CASP5: variants seen among roughly 807,000 people sequenced by gnomAD.
CASP5 encodes caspase-5.
CASP5 carries 42 observed loss-of-function variants against 45.2 expected under a neutral mutation model. The ratio of observed to expected loss-of-function variants is 0.93; its 90% CI spans 0.73 to 1.20. The LOEUF is 1.20. Among genes scored for constraint, CASP5 ranks in the 50% most tolerant of loss-of-function variants. The pLI is 0.00. For synonymous variants in CASP5, 209 were observed against 186.2 expected, an observed-to-expected ratio of 1.12 and a Z score of -1.00; for missense variants, 512 against 532.2, an observed-to-expected ratio of 0.96 and a Z score of 0.37.
intron 1 of CASP5, among the ~76,000 whole-genome samples, chr11:105,016,990 C>G (rs1047125641): frequency 6.7e-6 from 1 of 148,186 alleles, no homozygotes; most frequent in African/African-American, 2.7e-5. Flanking sequence ...TCAAGTGGGT[C>G]CCTGACTCCT....
chr11:105,010,159 G>A (rs1862268666), intron 1 of CASP5, among the ~76,000 whole-genome samples: 1 of 150,652 alleles, frequency 6.6e-6, no homozygotes, highest in Non-Finnish European at 1.5e-5. Context: ...AGAAGCACCA[G>A]ACTCATTTTC....
At chr11:105,007,479 T>C in intron 2 of CASP5, 145 bp from the exon 3 acceptor site, 1 of 757,286 alleles carries the variant, frequency 1.3e-6, no homozygotes. Flanking sequence ...ACATCTTTTT[T>C]TGCAACTGCA....
chr11:104,995,893 T>G, intron 8 of CASP5, 51 bp from the exon 9 acceptor site: 3 of 1,146,228 alleles, frequency 2.6e-6, no homozygotes, highest in Non-Finnish European at 4.0e-6. Context: ...GTTCTCAGAA[T>G]GCATCTTACA....
chr11:105,017,943 C>T (rs965640527), intron 1 of CASP5, among the ~76,000 whole-genome samples: 4 of 152,146 alleles, frequency 2.6e-5, no homozygotes, highest in Non-Finnish European at 4.4e-5. Context: ...GCCCATCAGA[C>T]TAACAGCAGA....
intron 1 of CASP5, among the ~76,000 whole-genome samples, chr11:105,016,191 T>A (rs752873844): frequency 9.9e-5 from 15 of 152,186 alleles, no homozygotes; most frequent in Admixed American, 2.6e-4. Flanking sequence ...TTCATAAGAA[T>A]TGTCTGCAGA....
intron 1 of CASP5, among the ~76,000 whole-genome samples, chr11:105,016,945 G>C (rs1252576381): frequency 2.6e-5 from 4 of 151,512 alleles, no homozygotes; most frequent in Non-Finnish European, 5.9e-5. Context: ...CTCCCAGCAC[G>C]CAGCTGGAGA....
intron 1 of CASP5, among the ~76,000 whole-genome samples, chr11:105,011,360 G>C (rs1030832470): frequency 6.6e-6 from 1 of 151,608 alleles, no homozygotes; most frequent in Admixed American, 6.6e-5. Flanking sequence ...CATACTCAAT[G>C]GTGAAAAGAT....
intron 1 of CASP5, among the ~76,000 whole-genome samples, chr11:105,015,238 C>T (rs1862530284): frequency 6.6e-6 from 1 of 152,212 alleles, no homozygotes; most frequent in South Asian, 2.1e-4. Flanking sequence ...TAGTCCTTTT[C>T]TAGACACCTT....
At chr11:105,006,633 T>C (rs1862011494) in intron 3 of CASP5, among the ~76,000 whole-genome samples, 1 of 152,198 alleles carries the variant, frequency 6.6e-6, no homozygotes, top group Admixed American at 6.5e-5. Flanking sequence ...TGAGAGCTGG[T>C]ATCTTGGAAG....
intron 1 of CASP5, among the ~76,000 whole-genome samples, chr11:105,018,500 CA>C (rs1290202641): frequency 1.3e-5 from 2 of 150,598 alleles, no homozygotes; most frequent in Non-Finnish European, 3.0e-5. Flanking sequence ...GCAGGGGTTG[CA>C]GTCCTAGTCT....
chr11:105,009,730 T>C (rs1286176557), intron 1 of CASP5, among the ~76,000 whole-genome samples: 37 of 55,034 alleles, frequency 6.7e-4, no homozygotes, highest in East Asian at 4.2e-3. Context: ...CATATATATA[T>C]ATATATATAT....
In CASP5 at chr11:104,998,916, C is replaced by T. The variant is rs776712925; in HGVS notation, c.1065G>A (p.Lys355=). The T allele has an allele frequency of 6.2e-7, 1 of 1,613,894 alleles. No homozygotes were observed. The highest frequency in any genetic ancestry group is 2.2e-5 in the East Asian group (1 of 44,864). The change falls in exon 7 of 10, where the codon AAG becomes AAA. Residue 355 remains lysine (K), a synonymous_variant. Coordinates refer to ENST00000260315, the MANE Select transcript of CASP5 (RefSeq NM_004347.5). ...TTGAAGAACAGAAAGCAATGAAGTC[C>T]TTCTCCTCGTGGATCTTGCAAACAG... The part of the protein sequence containing the change: ...ADSVCKIHEE[K]DFIAFCSSTP...
At chr11:105,014,610 T>C (rs1198527448) in intron 1 of CASP5, among the ~76,000 whole-genome samples, 1 of 152,112 alleles carries the variant, frequency 6.6e-6, no homozygotes, top group Non-Finnish European at 1.5e-5. Flanking sequence ...TAATAAAAGG[T>C]AAGTAAGTTT....
rs768416833 is a variant in CASP5, at chr11:105,023,155, CTT to C, written c.-21_-20del. ...CAGCCATAGCTAACAGCCTCTGTCT[CTT>C]TGTACAGCACTGGAAAGTGCCTCAG... On this transcript the variant is annotated 5_prime_UTR_variant, in exon 1 of 10. Coordinates refer to ENST00000260315, the MANE Select transcript of CASP5 (RefSeq NM_004347.5). 2.4e-5 allele frequency: 37 copies of C among 1,550,876 alleles called. No individual in the cohort carries two copies. In the African/African-American group the frequency reaches 4.8e-4, roughly 20 times the overall value.
At chr11:105,003,719 C>A (rs959030591) in intron 3 of CASP5, among the ~76,000 whole-genome samples, 2 of 152,012 alleles carry the variant, frequency 1.3e-5, no homozygotes, top group African/African-American at 2.4e-5. Context: ...GGTACTCATT[C>A]ATTTATTTGG....
rs764333995 is a variant in CASP5 at position 105,003,369 on chromosome 11, C to T, written c.448G>A (p.Glu150Lys). 3.8e-6 allele frequency: 6 copies of T among 1,593,688 alleles called. No individual in the cohort carries two copies. Among genetic ancestry groups the T allele is most frequent in the Admixed American group, 3.5e-5 (2 of 57,226 alleles). The change falls in exon 4 of 10, where the codon GAG becomes AAG. Residue 150 changes from glutamate (E) to lysine (K), a missense_variant. Transcript: ENST00000260315. Reference protein sequence around the residue: ...ITSVKPLLQIEAGPPESAEST... With the variant: ...ITSVKPLLQIKAGPPESAEST... Reference sequence around the variant, plus strand: ...TCTGCTGACTCAGGTGGTCCAGCCTCGATTTGCAGAAGAGCTGTGGGATAT... The same window carrying T: ...TCTGCTGACTCAGGTGGTCCAGCCTTGATTTGCAGAAGAGCTGTGGGATAT...
intron 2 of CASP5, 133 bp downstream of exon 2, chr11:105,008,674 T>G (rs1337363336): frequency 1.0e-5 from 7 of 670,888 alleles, no homozygotes; most frequent in Admixed American, 3.0e-5. Flanking sequence ...GAAGGAAAAA[T>G]TATAGGTTTG....
intron 4 of CASP5, among the ~76,000 whole-genome samples, chr11:105,002,966 G>C (rs904902237): frequency 6.6e-6 from 1 of 152,074 alleles, no homozygotes; most frequent in Non-Finnish European, 1.5e-5. Context: ...GGGAGGCCAA[G>C]GCTGTGGATC....
intron 8 of CASP5, among the ~76,000 whole-genome samples, 171 bp downstream of exon 8, chr11:104,997,212 T>C (rs1160112114): frequency 6.6e-6 from 1 of 152,240 alleles, no homozygotes; most frequent in African/African-American, 2.4e-5. Context: ...CTGGGATATA[T>C]TGACATTTTC....
Sources: allele counts gnomAD v4.1 joint callset (sites outside exome capture counted in the v4.1 genomes callset), GRCh38; gene constraint gnomAD v4.1.1; transcripts MANE v1.5; gene names NCBI Gene and HGNC (gene_info 2026-07-23, HGNC 2026-07-21).